RAP1GAP: variants seen among roughly 807,000 people sequenced by gnomAD.
RAP1GAP encodes the protein RAP1 GTPase activating protein, also known as rap1 GTPase-activating protein 1.
Under a neutral mutation model 87.2 loss-of-function variants are expected in RAP1GAP, and 35 were observed. The observed-to-expected ratio is 0.40, with a 90% CI of 0.31 to 0.53. The LOEUF (loss-of-function observed/expected upper bound fraction) is 0.53. Among genes scored for constraint, RAP1GAP ranks in the 20% least tolerant of loss-of-function variants. The pLI, the probability that RAP1GAP is intolerant of heterozygous loss-of-function variation, is 0.48. For missense variants in RAP1GAP, 734 were observed against 898.9 expected (o/e 0.82, Z 2.35); for synonymous variants, 375 against 363.9 (o/e 1.03, Z -0.35).
rs2084661947 is a variant in RAP1GAP at position 21,619,149 on chromosome 1, G to A, written c.19-77C>T. 2.0e-6 allele frequency: 3 copies of A among 1,476,720 alleles called. No individual in the cohort carries two copies. In the South Asian group the frequency reaches 3.7e-5, roughly 18 times the overall value. 91.5% of individuals were successfully genotyped at this position (1,476,720 alleles called of 1,614,324 possible). A position where few individuals can be genotyped will look rare whatever the true frequency, so the allele number is the denominator to read the frequency against. On this transcript the variant is annotated intron_variant, in intron 4 of 24. Transcript: ENST00000374765. ...TGCCTCCCCTCCCCAAGGCGTGCAA[G>A]GGGAAAGCCCTAGGAGGCGGCCCGC...
At position 21,615,431 on chromosome 1, in the gene RAP1GAP, G is replaced by A. The variant is rs577907761; in HGVS notation, c.292-1342C>T. On this transcript the variant is annotated intron_variant, in intron 7 of 24. Transcript: ENST00000374765. This position sits in a 1 kb window ranked among gnomAD's most constrained non-coding sequence, Gnocchi z 4.5. The stretch of plus-strand genomic sequence containing the variant: ...TTTTGAGATGGAGTCTTGCTCTGTC[G>A]CCCAGGCTGGAGTACAGTGGCACCA... Among the ~76,000 whole-genome samples the A allele has an allele frequency of 5.9e-5, 9 of 151,440 alleles. No homozygotes were observed. The highest frequency in any genetic ancestry group is 1.0e-4 in the Non-Finnish European group (7 of 67,934).
Position 21,634,626 on chromosome 1 carries a change from G to A in RAP1GAP, c.-112-8229C>T. On this transcript the variant is annotated intron_variant, in intron 2 of 24. Transcript: ENST00000374765. This position sits in a 1 kb window ranked among gnomAD's most constrained non-coding sequence, Gnocchi z 4.1. ...CACCCTCGCCCCATGCTGGCTGCATGCCGAGACACCCGGATCCCGGAGCTG... is the reference window on the plus strand; with the variant it reads ...CACCCTCGCCCCATGCTGGCTGCATACCGAGACACCCGGATCCCGGAGCTG... 4.5e-6 allele frequency: 1 copy of A among 221,056 alleles called. No homozygotes were observed. The highest frequency in any genetic ancestry group is 1.0e-5 in the Non-Finnish European group (1 of 96,082). The allele number at this position is 221,056 out of a possible 1,614,324, so 13.7% of individuals were successfully genotyped here.
chr1:21,605,888 G>T (rs1053021425), intron 18 of RAP1GAP, among the ~76,000 whole-genome samples, 178 bp downstream of exon 18: 6 of 152,364 alleles, frequency 3.9e-5, no homozygotes, highest in Admixed American at 3.9e-4. Context: ...GCAGTGTCCT[G>T]GCCTGGGCAC....
At chr1:21,610,453 C>T (rs934991917) in intron 13 of RAP1GAP, among the ~76,000 whole-genome samples, 178 bp from the exon 14 acceptor site, 4 of 152,134 alleles carry the variant, frequency 2.6e-5, no homozygotes, top group Admixed American at 2.6e-4. Flanking sequence ...GAAAAATGGC[C>T]TGTTTGGAAC....
intron 2 of RAP1GAP, among the ~76,000 whole-genome samples, chr1:21,627,587 G>T (rs1034191893): frequency 6.6e-6 from 1 of 151,904 alleles, no homozygotes; most frequent in Admixed American, 6.6e-5. Context: ...GGCTAATTTT[G>T]TATTTTTAGT....
rs766660078 is a variant in RAP1GAP at position 21,608,367 on chromosome 1, G to C, written c.1159-17C>G. 1.3e-5 allele frequency: 21 copies of C among 1,609,908 alleles called. No homozygotes were observed. The highest frequency in any genetic ancestry group is 1.8e-5 in the Non-Finnish European group (21 of 1,178,410). ...CGTCCGCTCCTGTGGGCCAGGCCCG[G>C]GCCGTCAGGAGGGACCCCAAGGATC... On this transcript the variant is annotated splice_polypyrimidine_tract_variant and intron_variant, in intron 16 of 24. Coordinates refer to ENST00000374765, the MANE Select transcript of RAP1GAP (RefSeq NM_002885.4).
rs112200644 is a variant in RAP1GAP, at chr1:21,606,834, C to T, written c.1297-637G>A. On this transcript the variant is annotated intron_variant, in intron 17 of 24. Transcript: ENST00000374765. ...TGAGCCCGGCATGCCAGGACCCATGCCCTCAACTCTGGACTCCGCTGCTTC... is the reference window on the plus strand; with the variant it reads ...TGAGCCCGGCATGCCAGGACCCATGTCCTCAACTCTGGACTCCGCTGCTTC... Among the ~76,000 whole-genome samples the T allele has an allele frequency of 6.6e-3, 1,004 of 152,300 alleles. 9 individuals are homozygous for T. Among genetic ancestry groups the T allele is most frequent in the African/African-American group, 0.023 (959 of 41,562 alleles).
At chr1:21,659,250 GC>G (rs2097000650) in intron 1 of RAP1GAP, among the ~76,000 whole-genome samples, 1 of 152,138 alleles carries the variant, frequency 6.6e-6, no homozygotes, top group South Asian at 2.1e-4. Flanking sequence ...CCGGGAGTCC[GC>G]CGCGGTCTCG....
In RAP1GAP at chr1:21,609,691, G is replaced by T; in HGVS notation, c.1000-45C>A. On this transcript the variant is annotated intron_variant, in intron 14 of 24. Transcript: ENST00000374765. This position sits in a 1 kb window ranked among gnomAD's most constrained non-coding sequence, Gnocchi z 4.4. ...TCTGTTCCTGTGGAGCCTGGGGTCT[G>T]CTCTGCCCCACCCAGCCAGAAACCC... 1 of 1,429,192 alleles carries T rather than the reference G, an allele frequency of 7.0e-7. No individual in the cohort carries two copies. Among genetic ancestry groups the T allele is most frequent in the Non-Finnish European group, 9.4e-7 (1 of 1,063,150 alleles). 88.5% of individuals were successfully genotyped at this position (1,429,192 alleles called of 1,614,324 possible). A position where few individuals can be genotyped will look rare whatever the true frequency, so the allele number is the denominator to read the frequency against.
chr1:21,648,813 A>C (rs1241392213), intron 2 of RAP1GAP, among the ~76,000 whole-genome samples: 1 of 152,116 alleles, frequency 6.6e-6, no homozygotes, highest in Non-Finnish European at 1.5e-5. Context: ...TTGCATGGAG[A>C]GCATCAAAGG....
chr1:21,606,233 T>C (rs1400570554), intron 17 of RAP1GAP, 36 bp from the exon 18 acceptor site: 1 of 1,555,958 alleles, frequency 6.4e-7, no homozygotes. Flanking sequence ...GGCACAGGAT[T>C]CCTAAGGGCC....
In RAP1GAP at chr1:21,612,125, C is replaced by A; in HGVS notation, c.529-16G>T. ...GCCGGGAAGCCTGCAGGAGAGGACG[C>A]CGGGTGAAGAGGCTGCGTGTGCAAG... On this transcript the variant is annotated splice_polypyrimidine_tract_variant and intron_variant, in intron 10 of 24. Coordinates refer to ENST00000374765, the MANE Select transcript of RAP1GAP (RefSeq NM_002885.4). The A allele has an allele frequency of 1.3e-6, 2 of 1,537,552 alleles. No homozygotes were observed. Among genetic ancestry groups the A allele is most frequent in the Non-Finnish European group, 1.8e-6 (2 of 1,134,066 alleles).
intron 1 of RAP1GAP, 23 bp from the exon 2 acceptor site, chr1:21,649,819 A>G (rs1195633525): frequency 5.2e-6 from 8 of 1,551,284 alleles, no homozygotes; most frequent in Non-Finnish European, 7.0e-6. Flanking sequence ...AAGAGGGGCC[A>G]TAGGTGAGGG....
chr1:21,604,774 AGGAT>A (rs60973008), intron 18 of RAP1GAP, among the ~76,000 whole-genome samples: 133,114 of 148,532 alleles, frequency 0.9, 59,668 homozygotes, highest in East Asian at 0.97. Context: ...CAGTCAATAA[AGGAT>A]GGATGGATGG....
chr1:21,627,738 C>T (rs1365793085), intron 2 of RAP1GAP, among the ~76,000 whole-genome samples: 1 of 152,136 alleles, frequency 6.6e-6, no homozygotes, highest in Non-Finnish European at 1.5e-5. Flanking sequence ...TAATTCCACT[C>T]AGCCCAGCTA....
At chr1:21,646,916 C>G (rs1044224272) in intron 2 of RAP1GAP, among the ~76,000 whole-genome samples, 2 of 152,178 alleles carry the variant, frequency 1.3e-5, no homozygotes, top group Non-Finnish European at 2.9e-5. Context: ...TAGGGGAACT[C>G]AGCCATGATC....
intron 3 of RAP1GAP, among the ~76,000 whole-genome samples, chr1:21,621,052 G>A (rs575374215): frequency 3.9e-5 from 6 of 152,158 alleles, no homozygotes; most frequent in Admixed American, 6.5e-5. Context: ...ACACATTGGC[G>A]TTCTGAGTTA....
chr1:21,608,016 A>T (rs996582628), intron 17 of RAP1GAP, among the ~76,000 whole-genome samples, 197 bp downstream of exon 17: 2 of 147,536 alleles, frequency 1.4e-5, no homozygotes, highest in Non-Finnish European at 3.0e-5. Context: ...GCCCCCTCTC[A>T]GACTCCAATG....
intron 1 of RAP1GAP, among the ~76,000 whole-genome samples, chr1:21,666,966 G>A (rs1209494138): frequency 6.6e-6 from 1 of 152,112 alleles, no homozygotes; most frequent in African/African-American, 2.4e-5. Context: ...CAGTGCTTGT[G>A]TGTCAGGCAG....
Sources: allele counts gnomAD v4.1 joint callset (sites outside exome capture counted in the v4.1 genomes callset), GRCh38; gene constraint gnomAD v4.1.1; non-coding constraint Gnocchi (gnomAD v3.1); transcripts MANE v1.5; gene names NCBI Gene and HGNC (gene_info 2026-07-23, HGNC 2026-07-21).